The following OPHN1 variants were observed in gnomAD, a reference collection of about 807,000 sequenced individuals.
OPHN1 encodes oligophrenin-1.
OPHN1 carries 11 observed loss-of-function variants against 60.7 expected under a neutral mutation model. The ratio of observed to expected loss-of-function variants is 0.18; its 90% CI spans 0.11 to 0.30. The LOEUF (loss-of-function observed/expected upper bound fraction) is 0.30, where lower values mean the gene tolerates loss of function less well. Among genes scored for constraint, OPHN1 ranks in the 10% least tolerant of loss-of-function variants. The pLI is 1.00. For synonymous variants in OPHN1, 226 were observed against 222.6 expected (o/e 1.02, Z -0.14); for missense variants, 449 against 611.0 (o/e 0.73, Z 2.80).
chrX:68,310,321 T>C lies in OPHN1; in HGVS notation c.155-11225A>G, dbSNP rs907500324. Among the ~76,000 whole-genome samples, 16 of 111,345 alleles carry C rather than the reference T, an allele frequency of 1.4e-4. No homozygotes were observed. In the Admixed American group the frequency reaches 1.4e-3, roughly 10 times the overall value. ...CTCCCATTGTGGTAAAATAAAGTTA[T>C]CCAGAACCACAAGCTTTTGCTAATT... On this transcript the variant is annotated intron_variant, in intron 2 of 24. Coordinates refer to ENST00000355520, the MANE Select transcript of OPHN1 (RefSeq NM_002547.3).
chrX:68,212,178 T>C lies in OPHN1; in HGVS notation c.632A>G (p.Asn211Ser). 8.3e-7 allele frequency: 1 copy of C among 1,206,110 alleles called. No individual in the cohort carries two copies. Among genetic ancestry groups the C allele is most frequent in the Non-Finnish European group, 1.1e-6 (1 of 891,241 alleles). Reference sequence around the variant, plus strand: ...CTGTGTGAGCTCCACAGTCAGGCTGTTAGAAATGAACAGACTATGAAGAAA... The same window carrying C: ...CTGTGTGAGCTCCACAGTCAGGCTGCTAGAAATGAACAGACTATGAAGAAA... ...LAFLHSLFIS[N>S]SLTVELTQDF... The change falls in exon 8 of 25, where the codon AAC becomes AGC. Residue 211 changes from asparagine to serine, a missense_variant. Asn to Ser is a conservative substitution (Grantham distance 46). Transcript: ENST00000355520.
At chrX:68,403,268 T>G (rs5918829) in intron 2 of OPHN1, among the ~76,000 whole-genome samples, 1 of 110,338 alleles carries the variant, frequency 9.1e-6, no homozygotes, top group South Asian at 3.9e-4. Flanking sequence ...TTTCATACCA[T>G]TAGCCTCAGA....
At chrX:68,350,552 C>T (rs983420021) in intron 2 of OPHN1, among the ~76,000 whole-genome samples, 3 of 98,255 alleles carry the variant, frequency 3.1e-5, no homozygotes, top group Admixed American at 1.2e-4. Context: ...CCCTTCTTTC[C>T]GACAGAGACT....
At chrX:68,249,064 C>T (rs1030369143) in intron 5 of OPHN1, among the ~76,000 whole-genome samples, 2 of 111,343 alleles carry the variant, frequency 1.8e-5, no homozygotes, top group Non-Finnish European at 3.8e-5. Context: ...TCAATAATAA[C>T]TTAATTATAC....
At chrX:68,356,046 T>C (rs1216895944) in intron 2 of OPHN1, among the ~76,000 whole-genome samples, 1 of 106,874 alleles carries the variant, frequency 9.4e-6, no homozygotes, top group Non-Finnish European at 1.9e-5. Context: ...CAAGACTTCT[T>C]CCAAAAAAAA....
chrX:68,157,472 C>T (rs1394581977), intron 15 of OPHN1, among the ~76,000 whole-genome samples: 6 of 111,465 alleles, frequency 5.4e-5, no homozygotes, highest in African/African-American at 1.6e-4. Context: ...CGAACTAATG[C>T]GGGAACAGAA....
At chrX:68,070,287 C>T (rs1184707002) in intron 20 of OPHN1, among the ~76,000 whole-genome samples, 8 of 110,902 alleles carry the variant, frequency 7.2e-5, no homozygotes, top group Non-Finnish European at 1.5e-4. Context: ...CTAGAATGCA[C>T]AATGGTTTAG....
At chrX:68,373,820 AAG>A (rs2078541580) in intron 2 of OPHN1, among the ~76,000 whole-genome samples, 1 of 111,594 alleles carries the variant, frequency 9.0e-6, no homozygotes, top group South Asian at 3.7e-4. Context: ...TTTTAGAGAA[AAG>A]AAGAGTGAGG....
At chrX:68,232,793 G>A (rs1313196058) in intron 6 of OPHN1, among the ~76,000 whole-genome samples, 2 of 110,592 alleles carry the variant, frequency 1.8e-5, no homozygotes, top group Non-Finnish European at 3.8e-5. Context: ...TAGAAACCGC[G>A]ACACAGAATA....
intron 6 of OPHN1, among the ~76,000 whole-genome samples, chrX:68,217,854 C>A (rs2077622913): frequency 1.2e-5 from 1 of 83,902 alleles, no homozygotes; most frequent in African/African-American, 3.4e-5. Context: ...AAACCGGAAA[C>A]TCTAAAAAGC....
intron 3 of OPHN1, among the ~76,000 whole-genome samples, chrX:68,283,756 T>G (rs1277357929): frequency 8.9e-6 from 1 of 112,030 alleles, no homozygotes; most frequent in Non-Finnish European, 1.9e-5. Context: ...GGAAGTATAT[T>G]CTCGACTGGC....
At chrX:68,277,375 T>C (rs1022725279) in intron 4 of OPHN1, among the ~76,000 whole-genome samples, 3 of 112,590 alleles carry the variant, frequency 2.7e-5, no homozygotes, top group Non-Finnish European at 5.6e-5. Flanking sequence ...GTCAGGCTCC[T>C]AACAGGCCAC....
At chrX:68,353,900 T>C (rs1311647261) in intron 2 of OPHN1, among the ~76,000 whole-genome samples, 1 of 111,604 alleles carries the variant, frequency 9.0e-6, no homozygotes, top group Non-Finnish European at 1.9e-5. Context: ...AAACAAAATA[T>C]ACAGGCAGAC....
intron 2 of OPHN1, among the ~76,000 whole-genome samples, chrX:68,426,696 C>T (rs1461383179): frequency 7.3e-5 from 1 of 13,673 alleles, no homozygotes; most frequent in South Asian, 5.6e-3. Context: ...GACCGCATCT[C>T]TCCAAAAAAA....
Position 68,271,347 on chromosome X carries a change from G to A in OPHN1, c.384+3391C>T, listed in dbSNP as rs773284081. The stretch of plus-strand genomic sequence containing the variant: ...TCGAGACCAGTCTGGGCAACATGGC[G>A]AAACCCTATCTCTACAGAAATTACA... On this transcript the variant is annotated intron_variant, in intron 5 of 24. Coordinates refer to ENST00000355520, the MANE Select transcript of OPHN1 (RefSeq NM_002547.3). Among the ~76,000 whole-genome samples the A allele has an allele frequency of 2.9e-5, 3 of 103,548 alleles. No homozygotes were observed. The East Asian group carries it at 9.2e-4, about 32-fold the overall frequency. 89.9% of individuals were successfully genotyped at this position (103,548 alleles called of 115,157 possible).
chrX:68,107,364 A>G (rs1009969493), intron 18 of OPHN1, among the ~76,000 whole-genome samples: 3 of 111,583 alleles, frequency 2.7e-5, no homozygotes, highest in African/African-American at 9.8e-5. Context: ...AGCTTTATAG[A>G]CTGTCAAATA....
intron 4 of OPHN1, among the ~76,000 whole-genome samples, chrX:68,282,708 C>T (rs778206318): frequency 6.4e-4 from 71 of 111,562 alleles, no homozygotes; most frequent in African/African-American, 2.0e-3. Context: ...AAAAGTAAAA[C>T]TACTCCACAA....
At chrX:68,218,440 T>C (rs1478270109) in intron 6 of OPHN1, among the ~76,000 whole-genome samples, 3 of 104,519 alleles carry the variant, frequency 2.9e-5, no homozygotes, top group Non-Finnish European at 3.9e-5. Flanking sequence ...GCCACAAAGA[T>C]ACTCCTTGAA....
chrX:68,246,662 G>T (rs1219988273), intron 5 of OPHN1, among the ~76,000 whole-genome samples: 1 of 111,405 alleles, frequency 9.0e-6, no homozygotes, highest in Non-Finnish European at 1.9e-5. Context: ...GCCTAGCATT[G>T]AAATAGGCGA....
Sources: gnomAD v4.1 joint callset for allele counts (sites outside exome capture counted in the v4.1 genomes callset) on GRCh38, gnomAD v4.1.1 for gene constraint, MANE v1.5 for transcripts, NCBI Gene and HGNC (gene_info 2026-07-23, HGNC 2026-07-21) for gene names.